The following MATN2 variants were observed in gnomAD, a reference collection of about 807,000 sequenced individuals.
MATN2 encodes the protein matrilin 2, also known as matrilin-2.
Under a neutral mutation model 103.2 loss-of-function variants are expected in MATN2, and 69 were observed. The ratio of observed to expected loss-of-function variants is 0.67; its 90% CI spans 0.55 to 0.82. The LOEUF is 0.82. Among genes scored for constraint, MATN2 ranks in the 40% least tolerant of loss-of-function variants. MATN2 has a pLI of 0.00. For synonymous variants in MATN2, 429 were observed against 450.2 expected (o/e 0.95, Z 0.60); for missense variants, 1,023 against 1,211.5 (o/e 0.84, Z 2.31).
intron 6 of MATN2, among the ~76,000 whole-genome samples, 182 bp from the exon 7 acceptor site, chr8:97,994,298 C>T (rs531479215): frequency 5.1e-5 from 7 of 136,790 alleles, no homozygotes; most frequent in South Asian, 2.4e-4. Context: ...GAAGAAGTTT[C>T]TCTTAGGAGA....
chr8:98,021,134 A>C, intron 12 of MATN2, 71 bp from the exon 13 acceptor site: 10 of 1,454,720 alleles, frequency 6.9e-6, no homozygotes, highest in Non-Finnish European at 8.5e-6. Flanking sequence ...CACAATCTCT[A>C]CTCACATGAC....
intron 2 of MATN2, among the ~76,000 whole-genome samples, chr8:97,913,489 A>G (rs1809518598): frequency 6.6e-6 from 1 of 151,378 alleles, no homozygotes; most frequent in Non-Finnish European, 1.5e-5. Flanking sequence ...TAAATTTTGT[A>G]TTTTTAGTAG....
chr8:97,880,422 TCTC>T (rs1818216305), intron 1 of MATN2, among the ~76,000 whole-genome samples: 1 of 152,174 alleles, frequency 6.6e-6, no homozygotes, highest in Admixed American at 6.5e-5. Context: ...GAGCCTTATC[TCTC>T]CTCCTCTCCC....
rs146367935 is a variant in MATN2 at position 97,880,176 on chromosome 8, C to T, written c.-26-7899C>T. Among the ~76,000 whole-genome samples, 81 of 151,216 alleles carry T rather than the reference C, an allele frequency of 5.4e-4. No homozygotes were observed. The East Asian group carries it at 0.012, about 23-fold the overall frequency. On this transcript the variant is annotated intron_variant, in intron 1 of 18. Coordinates refer to ENST00000254898, the MANE Select transcript of MATN2 (RefSeq NM_002380.5). ...TCAGCTCACTGCAGCCTCTGCCTCT[C>T]GCGTTCAAATGATTCTCCTGCCTCA...
chr8:97,954,593 C>T (rs1010608621), intron 4 of MATN2, among the ~76,000 whole-genome samples: 1 of 152,194 alleles, frequency 6.6e-6, no homozygotes, highest in African/African-American at 2.4e-5. Flanking sequence ...TCAGTACGAG[C>T]TGCCTCTAGC....
chr8:97,874,997 C>T (rs558172842), intron 1 of MATN2, among the ~76,000 whole-genome samples: 14 of 152,222 alleles, frequency 9.2e-5, no homozygotes, highest in African/African-American at 3.4e-4. Context: ...ATTACAGGCA[C>T]AAGCCACCGC....
intron 2 of MATN2, among the ~76,000 whole-genome samples, chr8:97,929,813 C>T (rs548331038): frequency 6.6e-6 from 1 of 152,286 alleles, no homozygotes; most frequent in Non-Finnish European, 1.5e-5. Context: ...TCTTGCAAAC[C>T]ACTGCCAGAC....
rs1479968473 is a variant in MATN2 at position 97,931,198 on chromosome 8, C to G, written c.388C>G (p.Leu130Val). ...GCGTGCTGTCAAGAGGATGCGGCAT[C>G]TGTCCACGGGCACCATGACTGGGCT... is the stretch of plus-strand genomic sequence containing the variant. ...VERAVKRMRH[L>V]STGTMTGLAI... Residue 130 changes from leucine (L) to valine (V), a missense_variant, in exon 3 of 19, where the codon CTG becomes GTG. Transcript: ENST00000254898. The surrounding 1 kb of genome is among the most constrained non-coding windows in gnomAD (Gnocchi z 4.1). The G allele has an allele frequency of 6.2e-7, 1 of 1,613,184 alleles. No homozygotes were observed. The highest frequency in any genetic ancestry group is 1.7e-5 in the Admixed American group (1 of 60,004).
chr8:98,010,631 T>C (rs1563724653), intron 10 of MATN2, among the ~76,000 whole-genome samples: 1 of 152,138 alleles, frequency 6.6e-6, no homozygotes, highest in Non-Finnish European at 1.5e-5. Flanking sequence ...TCAGAAGGTA[T>C]TGCTGCCTGG....
rs778708077 is a variant in MATN2 at position 98,003,735 on chromosome 8, C to T, written c.1279C>T (p.Arg427Cys). Reference sequence around the variant, plus strand: ...CAACATGGAGGAGAGCTACTACTGCCGCTGCCACCGTGGCTACACTCTGGA... The same window carrying T: ...CAACATGGAGGAGAGCTACTACTGCTGCTGCCACCGTGGCTACACTCTGGA... ...CVNMEESYYC[R>C]CHRGYTLDPN... The change falls in exon 8 of 19, where the codon CGC (arginine) becomes TGC (cysteine). Residue 427 changes from arginine to cysteine, a missense_variant. Transcript: ENST00000254898. 2.6e-5 allele frequency: 42 copies of T among 1,613,482 alleles called. No homozygotes were observed. Among genetic ancestry groups the T allele is most frequent in the East Asian group, 6.7e-5 (3 of 44,834 alleles).
chr8:97,923,688 CT>C (rs998320791), intron 2 of MATN2, among the ~76,000 whole-genome samples: 15 of 152,268 alleles, frequency 9.9e-5, no homozygotes, highest in Middle Eastern at 6.8e-3. Flanking sequence ...TCCCAAGTAG[CT>C]GGGATAACAG....
intron 3 of MATN2, among the ~76,000 whole-genome samples, chr8:97,933,924 A>C (rs1023702729): frequency 8.5e-5 from 13 of 152,178 alleles, no homozygotes; most frequent in African/African-American, 3.1e-4. Context: ...ATGTTATCGC[A>C]GAAAGCCCCA....
At chr8:97,874,393 T>TCTC (rs1817995167) in intron 1 of MATN2, among the ~76,000 whole-genome samples, 2 of 65,216 alleles carry the variant, frequency 3.1e-5, no homozygotes, top group Admixed American at 3.5e-4. Context: ...GCCTTCCTCT[T>TCTC]CTTCTTCTTC....
chr8:97,964,224 GCCTAA>G (rs1299593448), intron 5 of MATN2, among the ~76,000 whole-genome samples: 3 of 152,142 alleles, frequency 2.0e-5, no homozygotes, highest in Admixed American at 1.3e-4. Flanking sequence ...TAACCAGGTG[GCCTAA>G]CCTGAGGGCC....
At chr8:97,882,158 A>G (rs890319943) in intron 1 of MATN2, among the ~76,000 whole-genome samples, 2 of 151,446 alleles carry the variant, frequency 1.3e-5, no homozygotes, top group Admixed American at 6.6e-5. Flanking sequence ...TTCTGACCTC[A>G]GGTGATCTGC....
At chr8:97,926,724 A>C (rs1392276435) in intron 2 of MATN2, among the ~76,000 whole-genome samples, 1 of 152,032 alleles carries the variant, frequency 6.6e-6, no homozygotes, top group Non-Finnish European at 1.5e-5. Context: ...AGAATCTATG[A>C]CTCCATTAGC....
chr8:97,968,648 C>T (rs961435862), intron 5 of MATN2, among the ~76,000 whole-genome samples: 2 of 152,214 alleles, frequency 1.3e-5, no homozygotes, highest in African/African-American at 4.8e-5. Flanking sequence ...GTGACCTTTA[C>T]TCCAGTTCCC....
intron 2 of MATN2, among the ~76,000 whole-genome samples, chr8:97,912,480 A>G (rs1809481986): frequency 6.6e-6 from 1 of 152,206 alleles, no homozygotes; most frequent in Admixed American, 6.6e-5. Context: ...CCTTTTGTGT[A>G]ATATACTGTC....
chr8:98,003,843 CG>C, intron 8 of MATN2, 60 bp downstream of exon 8: 1 of 1,594,352 alleles, frequency 6.3e-7, no homozygotes, highest in South Asian at 1.1e-5. Flanking sequence ...TGGGGGCGGG[CG>C]GGTTCACTAG....
Sources: gnomAD v4.1 joint callset for allele counts (sites outside exome capture counted in the v4.1 genomes callset) on GRCh38, gnomAD v4.1.1 for gene constraint, Gnocchi (gnomAD v3.1) non-coding constraint, MANE v1.5 for transcripts, NCBI Gene and HGNC (gene_info 2026-07-23, HGNC 2026-07-21) for gene names.